Variants in SGCZ observed in about 807,000 individuals in gnomAD.
SGCZ encodes sarcoglycan zeta.
A neutral mutation model predicts 41.3 loss-of-function variants in SGCZ; 40 were observed. The ratio of observed to expected loss-of-function variants is 0.97; its 90% CI spans 0.75 to 1.26. The LOEUF (loss-of-function observed/expected upper bound fraction) is 1.26, where lower values mean the gene tolerates loss of function less well. Among genes scored for constraint, SGCZ ranks in the 50% most tolerant of loss-of-function variants. The pLI is 0.00. For missense variants in SGCZ, 552 were observed against 369.8 expected (o/e 1.49, Z -4.04); for synonymous variants, 206 against 137.5 (o/e 1.50, Z -3.49).
intron 1 of SGCZ, among the ~76,000 whole-genome samples, chr8:15,012,454 C>T (rs1732089016): frequency 6.9e-6 from 1 of 144,876 alleles, no homozygotes; most frequent in Non-Finnish European, 1.5e-5. Context: ...CACAGTAAGA[C>T]TTTTTCTAAA....
Position 14,467,396 on chromosome 8 carries a change from T to C in SGCZ, c.234+87336A>G, listed in dbSNP as rs187300914. On this transcript the variant is annotated intron_variant, in intron 2 of 7. Transcript: ENST00000382080. Reference sequence around the variant, plus strand: ...CATTGTCTCTTTATCTGTACTTCTATAATCAGAAGCAATAATCACCAATCT... The same window carrying C: ...CATTGTCTCTTTATCTGTACTTCTACAATCAGAAGCAATAATCACCAATCT... Among the ~76,000 whole-genome samples the C allele has an allele frequency of 9.7e-4, 147 of 152,156 alleles. 2 individuals carry two copies. The East Asian group carries it at 0.025, about 25-fold the overall frequency.
At chr8:15,043,976 T>C (rs1344478811) in intron 1 of SGCZ, among the ~76,000 whole-genome samples, 2 of 152,088 alleles carry the variant, frequency 1.3e-5, no homozygotes, top group African/African-American at 4.8e-5. Context: ...TTGAAAATCT[T>C]TGGTGATCCT....
intron 1 of SGCZ, among the ~76,000 whole-genome samples, chr8:15,088,643 G>A (rs552949547): frequency 6.6e-6 from 1 of 151,068 alleles, no homozygotes; most frequent in Non-Finnish European, 1.5e-5. Flanking sequence ...AAAGAATAGA[G>A]CCCAGATGAG....
chr8:14,537,288 G>C (rs1032200810), intron 2 of SGCZ, among the ~76,000 whole-genome samples: 1 of 151,748 alleles, frequency 6.6e-6, no homozygotes, highest in Non-Finnish European at 1.5e-5. Flanking sequence ...TCAAGACCAG[G>C]GTGGGGGGTC....
intron 1 of SGCZ, among the ~76,000 whole-genome samples, chr8:15,038,078 CG>C (rs542840707): frequency 8.4e-5 from 10 of 119,676 alleles, no homozygotes; most frequent in African/African-American, 2.3e-4. Flanking sequence ...ATTTCAGTGA[CG>C]TTTTTAAACA....
At chr8:14,387,903 T>C (rs532561609) in intron 2 of SGCZ, among the ~76,000 whole-genome samples, 14 of 151,964 alleles carry the variant, frequency 9.2e-5, no homozygotes, top group Admixed American at 4.6e-4. Flanking sequence ...TGAGAGATAA[T>C]GAGGATAGAA....
At chr8:14,980,118 G>A (rs1039300515) in intron 1 of SGCZ, among the ~76,000 whole-genome samples, 1 of 152,134 alleles carries the variant, frequency 6.6e-6, no homozygotes, top group Non-Finnish European at 1.5e-5. Flanking sequence ...TGTGCTTTCT[G>A]GTGGCAAGAC....
chr8:14,208,087 C>A (rs1053015441), intron 4 of SGCZ, among the ~76,000 whole-genome samples: 1 of 152,100 alleles, frequency 6.6e-6, no homozygotes. Context: ...GGTTTAAATG[C>A]CTATACTCAA....
chr8:14,240,300 C>A lies in SGCZ; in HGVS notation c.337-2621G>T, dbSNP rs571337702. ...CCCAGATTGCACCACTGCACTCCAG[C>A]CTGAGTGACAGAGCGAAACTCTGTG... On this transcript the variant is annotated intron_variant, in intron 3 of 7. Transcript: ENST00000382080. Among the ~76,000 whole-genome samples the A allele has an allele frequency of 2.2e-5, 3 of 135,954 alleles. No homozygotes were observed. The Admixed American group carries it at 2.5e-4, about 11-fold the overall frequency. The allele number at this position is 135,954 out of a possible 152,430, so 89.2% of individuals were successfully genotyped here.
At chr8:14,386,574 G>C (rs189699733) in intron 2 of SGCZ, among the ~76,000 whole-genome samples, 4 of 152,136 alleles carry the variant, frequency 2.6e-5, no homozygotes, top group Admixed American at 2.6e-4. Context: ...ACTGTAAAGT[G>C]GTTTGTAACT....
chr8:14,647,241 T>C (rs1209049816), intron 1 of SGCZ, among the ~76,000 whole-genome samples: 1 of 152,040 alleles, frequency 6.6e-6, no homozygotes, highest in Non-Finnish European at 1.5e-5. Flanking sequence ...ACCACACTCC[T>C]TCAGCATTTA....
At chr8:14,852,141 A>T (rs565380714) in intron 1 of SGCZ, among the ~76,000 whole-genome samples, 2 of 152,258 alleles carry the variant, frequency 1.3e-5, no homozygotes, top group East Asian at 3.9e-4. Context: ...ATGCTTTAAG[A>T]CTTCTCCTGC....
intron 1 of SGCZ, among the ~76,000 whole-genome samples, chr8:15,038,378 G>A (rs925140709): frequency 3.9e-5 from 6 of 152,014 alleles, no homozygotes; most frequent in African/African-American, 1.4e-4. Context: ...TTCAATAAAT[G>A]ATGTTGTGAT....
intron 1 of SGCZ, among the ~76,000 whole-genome samples, chr8:14,792,134 AATGC>A (rs1800975414): frequency 6.6e-6 from 1 of 152,230 alleles, no homozygotes; most frequent in South Asian, 2.1e-4. Flanking sequence ...AAATAGCAAC[AATGC>A]ATAGAAAGGT....
intron 2 of SGCZ, among the ~76,000 whole-genome samples, chr8:14,395,114 G>C (rs1798872594): frequency 6.6e-6 from 1 of 152,170 alleles, no homozygotes; most frequent in South Asian, 2.1e-4. Flanking sequence ...AATGTGCTCA[G>C]TAAATACTCT....
intron 1 of SGCZ, among the ~76,000 whole-genome samples, chr8:14,909,926 A>C (rs1429033497): frequency 1.3e-5 from 2 of 152,098 alleles, no homozygotes; most frequent in Non-Finnish European, 2.9e-5. Flanking sequence ...CTTAGCCAAA[A>C]ACTGTACTAT....
intron 4 of SGCZ, among the ~76,000 whole-genome samples, chr8:14,233,911 T>C (rs1393746069): frequency 6.6e-6 from 1 of 151,958 alleles, no homozygotes; most frequent in Non-Finnish European, 1.5e-5. Flanking sequence ...CTTGGGATGT[T>C]GTACTTTCTT....
chr8:14,517,110 T>C (rs1395682664), intron 2 of SGCZ, among the ~76,000 whole-genome samples: 1 of 152,014 alleles, frequency 6.6e-6, no homozygotes, highest in African/African-American at 2.4e-5. Flanking sequence ...TACAAAACAA[T>C]GTATGATAAC....
intron 1 of SGCZ, among the ~76,000 whole-genome samples, chr8:15,111,922 C>T (rs970988443): frequency 2.0e-5 from 3 of 151,772 alleles, no homozygotes; most frequent in Non-Finnish European, 4.4e-5. Context: ...AAAATCCCTC[C>T]TTTCAGTGTT....
Sources: allele counts gnomAD v4.1 joint callset (sites outside exome capture counted in the v4.1 genomes callset), GRCh38; gene constraint gnomAD v4.1.1; transcripts MANE v1.5; gene names NCBI Gene and HGNC (gene_info 2026-07-23, HGNC 2026-07-21).